The following PRKCZ variants were observed in gnomAD, a reference collection of about 807,000 sequenced individuals.
The protein encoded by PRKCZ is protein kinase C zeta type.
In PRKCZ, 33 loss-of-function variants were observed where a neutral mutation model predicts 79.5. That is an observed-to-expected ratio of 0.41 (90% CI 0.31 to 0.55). The LOEUF is 0.55. Ranked by LOEUF, PRKCZ falls within the 20% of genes least tolerant of loss-of-function variation. The pLI, the probability that PRKCZ is intolerant of heterozygous loss-of-function variation, is 0.19. For missense variants in PRKCZ, 578 were observed against 813.5 expected, an observed-to-expected ratio of 0.71 and a Z score of 3.52; for synonymous variants, 342 against 320.9, an observed-to-expected ratio of 1.07 and a Z score of -0.70.
chr1:2,062,698 G>A (rs1571119543), intron 4 of PRKCZ, among the ~76,000 whole-genome samples: 1 of 151,834 alleles, frequency 6.6e-6, no homozygotes, highest in Non-Finnish European at 1.5e-5. Context: ...ATGTTGCCCA[G>A]GCTAGTCTCG....
At chr1:2,135,615 G>C (rs901473757) in intron 5 of PRKCZ, among the ~76,000 whole-genome samples, 11 of 152,230 alleles carry the variant, frequency 7.2e-5, no homozygotes, top group Non-Finnish European at 1.6e-4. Flanking sequence ...TCTTATCAGG[G>C]CTCAGGGCTC....
At chr1:2,121,719 G>T (rs988921286) in intron 4 of PRKCZ, among the ~76,000 whole-genome samples, 1 of 60,858 alleles carries the variant, frequency 1.6e-5, no homozygotes, top group Non-Finnish European at 3.0e-5. Flanking sequence ...GGTAGTTAGG[G>T]TCACGGCGGT....
At chr1:2,096,060 G>T (rs562741373) in intron 4 of PRKCZ, among the ~76,000 whole-genome samples, 45 of 151,632 alleles carry the variant, frequency 3.0e-4, no homozygotes, top group African/African-American at 1.1e-3. Flanking sequence ...CAGCCAGGCA[G>T]GGTCTCCTGC....
intron 4 of PRKCZ, among the ~76,000 whole-genome samples, chr1:2,083,942 C>T (rs1269307602): frequency 2.0e-5 from 3 of 152,158 alleles, no homozygotes; most frequent in Non-Finnish European, 2.9e-5. Flanking sequence ...TTTTAAAAAT[C>T]GTATGTTGGC....
chr1:2,175,565 A>C (rs1572014529), intron 16 of PRKCZ, among the ~76,000 whole-genome samples: 2 of 67,606 alleles, frequency 3.0e-5, no homozygotes, highest in African/African-American at 5.3e-5. Context: ...CAACCCCTAC[A>C]CCCCCAACCC....
chr1:2,052,810 C>T (rs538933921), intron 1 of PRKCZ, among the ~76,000 whole-genome samples: 25 of 152,166 alleles, frequency 1.6e-4, no homozygotes, highest in Admixed American at 7.9e-4. Context: ...CGCTGCTGTC[C>T]GTGGGGGTAG....
chr1:2,146,168 C>G (rs1678471806), intron 7 of PRKCZ, 60 bp downstream of exon 7: 2 of 1,503,354 alleles, frequency 1.3e-6, no homozygotes, highest in East Asian at 2.3e-5. Flanking sequence ...CTGCTCACCT[C>G]TGCCTTCTAG....
chr1:2,111,367 T>C (rs1669713900), intron 4 of PRKCZ, among the ~76,000 whole-genome samples: 1 of 150,946 alleles, frequency 6.6e-6, no homozygotes, highest in South Asian at 2.1e-4. Context: ...GGGTGCAACA[T>C]GGAGGCCTGG....
chr1:2,144,529 A>C (rs1571791404), intron 6 of PRKCZ, 188 bp downstream of exon 6: 1 of 1,419,484 alleles, frequency 7.0e-7, no homozygotes, highest in Non-Finnish European at 9.2e-7. Flanking sequence ...CTGAGCCCCC[A>C]CAAGCCCCCG....
At chr1:2,110,596 CCTGAGTCCA>C (rs1161066721) in intron 4 of PRKCZ, among the ~76,000 whole-genome samples, 1 of 152,166 alleles carries the variant, frequency 6.6e-6, no homozygotes, top group Non-Finnish European at 1.5e-5. Flanking sequence ...CCTGGAGTCC[CCTGAGTCCA>C]CTGGGCCCTC....
chr1:2,115,274 T>G (rs927195129), intron 4 of PRKCZ, among the ~76,000 whole-genome samples: 1 of 152,260 alleles, frequency 6.6e-6, no homozygotes, highest in Non-Finnish European at 1.5e-5. Context: ...GTCTTATGTA[T>G]CCACCCTCAT....
At chr1:2,153,296 C>G (rs1374734913) in intron 9 of PRKCZ, among the ~76,000 whole-genome samples, 1 of 152,234 alleles carries the variant, frequency 6.6e-6, no homozygotes, top group Non-Finnish European at 1.5e-5. Context: ...TTGCGTCTCT[C>G]AGGATTAGAT....
intron 5 of PRKCZ, chr1:2,142,603 GC>G: frequency 4.1e-6 from 1 of 241,500 alleles, no homozygotes; most frequent in South Asian, 3.9e-5. Flanking sequence ...TTCGAATAGA[GC>G]CCACGGTCCT....
In PRKCZ at chr1:2,067,381, G is replaced by A. The variant is rs576715655; in HGVS notation, c.334+7790G>A. On this transcript the variant is annotated intron_variant, in intron 4 of 17. Coordinates refer to ENST00000378567, the MANE Select transcript of PRKCZ (RefSeq NM_002744.6). Reference sequence around the variant, plus strand: ...TGAATTCTGTGATGCGATTCACCCTGTCTGTCCGTTCCTCTGCTGATGGAC... The same window carrying A: ...TGAATTCTGTGATGCGATTCACCCTATCTGTCCGTTCCTCTGCTGATGGAC... Among the ~76,000 whole-genome samples, 13 of 152,314 alleles carry A rather than the reference G, an allele frequency of 8.5e-5. 1 individual carries two copies. The highest frequency in any genetic ancestry group is 3.4e-3 in the Middle Eastern group (1 of 294).
At chr1:2,054,923 A>G (rs904173918) in intron 1 of PRKCZ, among the ~76,000 whole-genome samples, 38 of 151,154 alleles carry the variant, frequency 2.5e-4, no homozygotes, top group African/African-American at 9.0e-4. Context: ...TCTCTGTGCA[A>G]GGAAGTTGAT....
At position 2,185,016 on chromosome 1, in the gene PRKCZ, G is replaced by A. The variant is rs80119748; in HGVS notation, c.*7G>A. 1.1e-5 allele frequency: 17 copies of A among 1,607,852 alleles called. No homozygotes were observed. Among genetic ancestry groups the A allele is most frequent in the Admixed American group, 6.7e-5 (4 of 59,352 alleles). ...CACCGAGGAGTCGGTGTGAGGCCGC[G>A]TGCGTCTCTGTCGTGGACACGCGTG... is the stretch of plus-strand genomic sequence containing the variant. On this transcript the variant is annotated 3_prime_UTR_variant, in exon 18 of 18. Coordinates refer to ENST00000378567, the MANE Select transcript of PRKCZ (RefSeq NM_002744.6).
intron 4 of PRKCZ, among the ~76,000 whole-genome samples, chr1:2,121,116 G>A (rs941673488): frequency 1.3e-5 from 2 of 152,160 alleles, no homozygotes; most frequent in Admixed American, 6.6e-5. Flanking sequence ...GCCTGGCATC[G>A]TAGTTCTCTC....
intron 4 of PRKCZ, among the ~76,000 whole-genome samples, chr1:2,085,079 G>A (rs2102422512): frequency 6.6e-6 from 1 of 152,070 alleles, no homozygotes; most frequent in East Asian, 1.9e-4. Context: ...CAACATGACC[G>A]ACAAGGTGCT....
intron 10 of PRKCZ, 92 bp from the exon 11 acceptor site, chr1:2,169,426 G>A (rs558045204): frequency 1.3e-5 from 14 of 1,099,202 alleles, no homozygotes; most frequent in Middle Eastern, 2.0e-4. Context: ...GGGAGGGTTC[G>A]GGCCCACGAA....
Sources: gnomAD v4.1 joint callset for allele counts (sites outside exome capture counted in the v4.1 genomes callset) on GRCh38, gnomAD v4.1.1 for gene constraint, MANE v1.5 for transcripts, NCBI Gene and HGNC (gene_info 2026-07-23, HGNC 2026-07-21) for gene names.